Variants in TDRD3 observed in about 807,000 individuals in gnomAD.
TDRD3 encodes tudor domain-containing protein 3.
Under a neutral mutation model 86.7 loss-of-function variants are expected in TDRD3, and 45 were observed. The ratio of observed to expected loss-of-function variants is 0.52; its 90% CI spans 0.41 to 0.67. The LOEUF (loss-of-function observed/expected upper bound fraction) is 0.67. Among genes scored for constraint, TDRD3 ranks in the 30% least tolerant of loss-of-function variants. TDRD3 has a pLI of 0.00. For synonymous variants in TDRD3, 298 were observed against 301.7 expected, an observed-to-expected ratio of 0.99 and a Z score of 0.13; for missense variants, 814 against 889.0, an observed-to-expected ratio of 0.92 and a Z score of 1.07.
chr13:60,457,818 A>G (rs915282043), intron 3 of TDRD3, among the ~76,000 whole-genome samples: 1 of 152,098 alleles, frequency 6.6e-6, no homozygotes, highest in Non-Finnish European at 1.5e-5. Context: ...TGGCTTGTAG[A>G]TGCATAACTT....
chr13:60,422,780 C>CGAATATTATTCCTTTG (rs1297628030), intron 1 of TDRD3, among the ~76,000 whole-genome samples: 1 of 151,618 alleles, frequency 6.6e-6, no homozygotes, highest in Non-Finnish European at 1.5e-5. Flanking sequence ...AGAAAGTAGT[C>CGAATATTATTCCTTTG]GAATATTATT....
intron 12 of TDRD3, 77 bp from the exon 13 acceptor site, chr13:60,567,448 A>G: frequency 6.3e-7 from 1 of 1,587,814 alleles, no homozygotes; most frequent in South Asian, 1.1e-5. Flanking sequence ...TTATTAAAAT[A>G]GGGACCATAC....
intron 12 of TDRD3, among the ~76,000 whole-genome samples, chr13:60,538,477 CTTA>C (rs1450193107): frequency 1.3e-5 from 2 of 151,218 alleles, no homozygotes; most frequent in Non-Finnish European, 2.9e-5. Context: ...AGATGCACAG[CTTA>C]TTATTAACTG....
intron 1 of TDRD3, among the ~76,000 whole-genome samples, chr13:60,414,911 A>G (rs9538683): frequency 6.6e-6 from 1 of 151,712 alleles, no homozygotes; most frequent in Non-Finnish European, 1.5e-5. Context: ...TTTTGTTTTT[A>G]AAAAATAAAA....
intron 1 of TDRD3, among the ~76,000 whole-genome samples, chr13:60,406,861 A>G (rs1045904289): frequency 2.0e-5 from 3 of 152,242 alleles, no homozygotes; most frequent in Non-Finnish European, 1.5e-5. Flanking sequence ...CTCTAAATAT[A>G]TAAAATACAA....
chr13:60,521,117 A>G (rs987049380), intron 10 of TDRD3, among the ~76,000 whole-genome samples: 2 of 152,230 alleles, frequency 1.3e-5, no homozygotes, highest in African/African-American at 2.4e-5. Flanking sequence ...GTGTTGTGCA[A>G]TCTTTTTCTG....
intron 1 of TDRD3, among the ~76,000 whole-genome samples, chr13:60,402,065 A>G (rs1402933650): frequency 6.6e-6 from 1 of 152,192 alleles, no homozygotes; most frequent in Non-Finnish European, 1.5e-5. Context: ...ACTTCAGGAT[A>G]TTTTGCTGGA....
At chr13:60,426,354 T>G (rs1954807981) in intron 1 of TDRD3, among the ~76,000 whole-genome samples, 3 of 152,016 alleles carry the variant, frequency 2.0e-5, no homozygotes, top group Admixed American at 2.0e-4. Flanking sequence ...AGTTGAGAGA[T>G]GTACAACATG....
At chr13:60,553,326 C>T (rs550907888) in intron 12 of TDRD3, among the ~76,000 whole-genome samples, 1 of 152,222 alleles carries the variant, frequency 6.6e-6, no homozygotes, top group South Asian at 2.1e-4. Flanking sequence ...TGGTCAACAC[C>T]ATTCAACAAG....
At chr13:60,489,997 G>A (rs1269302947) in intron 7 of TDRD3, among the ~76,000 whole-genome samples, 1 of 139,696 alleles carries the variant, frequency 7.2e-6, no homozygotes, top group Non-Finnish European at 1.6e-5. Flanking sequence ...TCTTTTTGTT[G>A]TCACAATTGA....
intron 3 of TDRD3, among the ~76,000 whole-genome samples, chr13:60,446,332 C>T (rs1005054076): frequency 6.6e-6 from 1 of 152,088 alleles, no homozygotes; most frequent in African/African-American, 2.4e-5. Context: ...AGTTGATTCT[C>T]CTGCCCCAGC....
At chr13:60,565,436 A>T (rs538455434) in intron 12 of TDRD3, among the ~76,000 whole-genome samples, 2 of 152,292 alleles carry the variant, frequency 1.3e-5, no homozygotes, top group East Asian at 1.9e-4. Flanking sequence ...ACGTGAAAGA[A>T]ATCTCATGGT....
At chr13:60,399,119 T>C (rs1261071061) in intron 1 of TDRD3, among the ~76,000 whole-genome samples, 1 of 152,190 alleles carries the variant, frequency 6.6e-6, no homozygotes, top group Admixed American at 6.5e-5. Context: ...GTGAGTCTTA[T>C]TTTTCTCCTT....
intron 5 of TDRD3, among the ~76,000 whole-genome samples, chr13:60,470,057 C>A (rs148156580): frequency 1.3e-5 from 2 of 152,314 alleles, no homozygotes; most frequent in African/African-American, 4.8e-5. Flanking sequence ...TTCCTCCTCT[C>A]AGTCTTGGGC....
At chr13:60,429,980 G>A (rs1954913609) in intron 1 of TDRD3, among the ~76,000 whole-genome samples, 1 of 152,122 alleles carries the variant, frequency 6.6e-6, no homozygotes, top group Admixed American at 6.6e-5. Flanking sequence ...CATATGCTAG[G>A]TATTACATGC....
At chr13:60,454,925 T>C (rs1269172054) in intron 3 of TDRD3, among the ~76,000 whole-genome samples, 2 of 152,144 alleles carry the variant, frequency 1.3e-5, no homozygotes, top group African/African-American at 4.8e-5. Flanking sequence ...GGTTGATTGA[T>C]TGATTGAGAC....
intron 2 of TDRD3, 144 bp from the exon 3 acceptor site, chr13:60,444,539 T>G: frequency 2.1e-6 from 1 of 476,912 alleles, no homozygotes; most frequent in Non-Finnish European, 3.7e-6. Flanking sequence ...ACTTGAAAGA[T>G]TGATAATACA....
chr13:60,524,647 A>G (rs1339187873), intron 10 of TDRD3, among the ~76,000 whole-genome samples: 1 of 152,180 alleles, frequency 6.6e-6, no homozygotes, highest in African/African-American at 2.4e-5. Context: ...ATATGACTTT[A>G]TGATTTAACT....
chr13:60,444,716 C>T lies in TDRD3; in HGVS notation c.160C>T (p.Pro54Ser). 2.7e-6 allele frequency: 4 copies of T among 1,482,212 alleles called. No homozygotes were observed. Among genetic ancestry groups the T allele is most frequent in the South Asian group, 1.4e-5 (1 of 72,112 alleles). 91.8% of individuals were successfully genotyped at this position (1,482,212 alleles called of 1,614,324 possible). A position where few individuals can be genotyped will look rare whatever the true frequency, so the allele number is the denominator to read the frequency against. Reference protein sequence around the residue: ...DLRTIGKKFLPSDINSGKVEK... With the variant: ...DLRTIGKKFLSSDINSGKVEK... ...GAGAACAATTGGCAAGAAATTCCTC[C>T]CCAGTGACATCAATAGTGGAAAGGT... Residue 54 changes from proline to serine, a missense_variant, in exon 3 of 14, where the codon CCC becomes TCC. Transcript: ENST00000377881.
Sources: gnomAD v4.1 joint callset for allele counts (sites outside exome capture counted in the v4.1 genomes callset) on GRCh38, gnomAD v4.1.1 for gene constraint, MANE v1.5 for transcripts, NCBI Gene and HGNC (gene_info 2026-07-23, HGNC 2026-07-21) for gene names.